The following STK32B variants were observed in gnomAD, a reference collection of about 807,000 sequenced individuals.
The protein encoded by STK32B is serine/threonine-protein kinase 32B.
STK32B carries 43 observed loss-of-function variants against 52.6 expected under a neutral mutation model. The ratio of observed to expected loss-of-function variants is 0.82; its 90% CI spans 0.64 to 1.05. The LOEUF is 1.05. Among genes scored for constraint, STK32B ranks in the 50% least tolerant of loss-of-function variants. STK32B has a pLI of 0.00. For missense variants in STK32B, 621 were observed against 534.6 expected (o/e 1.16, Z -1.59); for synonymous variants, 238 against 204.3 (o/e 1.17, Z -1.41).
chr4:5,445,911 C>G (rs749237345), intron 6 of STK32B, among the ~76,000 whole-genome samples: 3 of 149,234 alleles, frequency 2.0e-5, no homozygotes, highest in Non-Finnish European at 4.4e-5. Flanking sequence ...TGTTAGATGT[C>G]ACCTATGCTA....
At chr4:5,490,680 C>A (rs546232627) in intron 11 of STK32B, among the ~76,000 whole-genome samples, 2 of 151,916 alleles carry the variant, frequency 1.3e-5, no homozygotes, top group Non-Finnish European at 2.9e-5. Flanking sequence ...CCCATTAACT[C>A]GTCATTTAGC....
At chr4:5,047,749 G>A (rs1560124467), upstream of STK32B, among the ~76,000 whole-genome samples, 2 of 152,200 alleles carry the variant, frequency 1.3e-5, no homozygotes, top group African/African-American at 2.4e-5. Context: ...CTGGAGACAG[G>A]AGCTTTGCCA....
chr4:5,149,618 C>T (rs1433004182), intron 2 of STK32B, among the ~76,000 whole-genome samples: 1 of 151,798 alleles, frequency 6.6e-6, no homozygotes, highest in Admixed American at 6.6e-5. Context: ...ACTGTAGAGG[C>T]CCATCTACCA....
At chr4:5,101,920 T>C (rs897604911) in intron 1 of STK32B, among the ~76,000 whole-genome samples, 1 of 152,198 alleles carries the variant, frequency 6.6e-6, no homozygotes, top group Non-Finnish European at 1.5e-5. Flanking sequence ...TTTCCACAGA[T>C]ATTTATTTAT....
Position 5,416,936 on chromosome 4 carries a change from T to C in STK32B, c.562+2T>C. 1 of 1,611,056 alleles carries C rather than the reference T, an allele frequency of 6.2e-7. No individual in the cohort carries two copies. Among genetic ancestry groups the C allele is most frequent in the Non-Finnish European group, 8.5e-7 (1 of 1,178,608 alleles). ...TGGCTGGCACCAAGCCCTACATGGGTGAGTGTTCCAGGCCCCTTCTTTTCA... is the reference window on the plus strand; with the variant it reads ...TGGCTGGCACCAAGCCCTACATGGGCGAGTGTTCCAGGCCCCTTCTTTTCA... On this transcript the variant is annotated splice_donor_variant, in intron 6 of 11. Transcript: ENST00000282908. LOFTEE classifies it high-confidence loss of function.
chr4:5,431,760 A>C (rs2109092385), intron 6 of STK32B, among the ~76,000 whole-genome samples: 1 of 152,328 alleles, frequency 6.6e-6, no homozygotes, highest in South Asian at 2.1e-4. Flanking sequence ...TCTCCCCAAA[A>C]AGAGAAATTA....
Position 5,340,410 on chromosome 4 carries a change from GA to G in STK32B, c.434+9019del, listed in dbSNP as rs546007750. Among the ~76,000 whole-genome samples the G allele has an allele frequency of 7.2e-5, 11 of 152,370 alleles. No individual in the cohort carries two copies. The South Asian group carries it at 2.3e-3, about 32-fold the overall frequency. ...AATTAGAACTAGGAAAAGGAATGCA[GA>G]AGGCACTGGGCAGAAGGGCCCAAAC... On this transcript the variant is annotated intron_variant, in intron 4 of 11. Coordinates refer to ENST00000282908, the MANE Select transcript of STK32B (RefSeq NM_018401.3).
chr4:5,268,420 A>G (rs1393427187), intron 3 of STK32B, among the ~76,000 whole-genome samples: 1 of 152,014 alleles, frequency 6.6e-6, no homozygotes, highest in African/African-American at 2.4e-5. Flanking sequence ...CATTCAGCTC[A>G]AATCCTTATT....
intron 1 of STK32B, among the ~76,000 whole-genome samples, chr4:5,052,236 T>G (rs1360956371): frequency 6.6e-6 from 1 of 151,956 alleles, no homozygotes; most frequent in Admixed American, 6.5e-5. Flanking sequence ...GTCGGGATGG[T>G]TCTAGGCTCG....
intron 6 of STK32B, among the ~76,000 whole-genome samples, chr4:5,438,450 AAC>A (rs1379227838): frequency 6.6e-6 from 1 of 152,316 alleles, no homozygotes; most frequent in East Asian, 1.9e-4. Flanking sequence ...GAAAATACAA[AAC>A]ACACAGAATT....
chr4:5,353,479 A>G (rs1733971013), intron 4 of STK32B, among the ~76,000 whole-genome samples: 1 of 152,026 alleles, frequency 6.6e-6, no homozygotes, highest in African/African-American at 2.4e-5. Flanking sequence ...TGAATGGGAG[A>G]AAATATTTGT....
intron 3 of STK32B, among the ~76,000 whole-genome samples, chr4:5,319,587 C>G (rs1205587003): frequency 1.3e-5 from 2 of 152,162 alleles, no homozygotes; most frequent in East Asian, 3.9e-4. Context: ...GCATACAGAG[C>G]TGGAATCCAT....
rs144588330 is a variant in STK32B, at chr4:5,499,450, C to T, written c.*367C>T. On this transcript the variant is annotated 3_prime_UTR_variant, in exon 12 of 12. Transcript: ENST00000282908. ...AATATAACCTTAATATTTGAAGTGA[C>T]CCCCATTCCCCAAAGCAATCAAACC... 6.4e-5 allele frequency: 12 copies of T among 188,272 alleles called. No homozygotes were observed. In the East Asian group the frequency reaches 1.6e-3, roughly 25 times the overall value. 11.7% of individuals were successfully genotyped at this position (188,272 alleles called of 1,614,324 possible). A position where few individuals can be genotyped will look rare whatever the true frequency, so the allele number is the denominator to read the frequency against.
intron 6 of STK32B, chr4:5,436,526 C>A: frequency 1.1e-6 from 1 of 910,884 alleles, no homozygotes; most frequent in Non-Finnish European, 1.3e-6. Context: ...CTCTGGTCAG[C>A]AGTGAGAAGG....
chr4:5,064,845 T>A (rs1056641552), intron 1 of STK32B, among the ~76,000 whole-genome samples: 2 of 142,842 alleles, frequency 1.4e-5, no homozygotes, highest in African/African-American at 5.1e-5. Flanking sequence ...TATATAAATA[T>A]GCATATATAA....
rs566625340 is a variant in STK32B, at chr4:5,062,108, G to A, written c.52+10193G>A. 2.6e-5 allele frequency among the ~76,000 whole-genome samples: 4 copies of A among 152,230 alleles called. No individual in the cohort carries two copies. In the East Asian group the frequency reaches 5.8e-4, roughly 22 times the overall value. On this transcript the variant is annotated intron_variant, in intron 1 of 11. Transcript: ENST00000282908. ...CCTCAGTATTTATCTGTACACGAGC[G>A]CCTTCTGTTTCAAAGGTAAGCTCTC...
chr4:5,142,523 A>G (rs142200770), intron 2 of STK32B, among the ~76,000 whole-genome samples: 1 of 152,328 alleles, frequency 6.6e-6, no homozygotes, highest in African/African-American at 2.4e-5. Flanking sequence ...GTTTTGCTAT[A>G]TGCACATTTA....
intron 11 of STK32B, among the ~76,000 whole-genome samples, chr4:5,485,132 G>A (rs1216382767): frequency 2.6e-5 from 4 of 151,850 alleles, no homozygotes; most frequent in African/African-American, 9.7e-5. Context: ...CTGAATGTTG[G>A]CCTGTCTTGC....
intron 4 of STK32B, among the ~76,000 whole-genome samples, chr4:5,392,324 G>C (rs1736639972): frequency 6.6e-6 from 1 of 152,158 alleles, no homozygotes; most frequent in African/African-American, 2.4e-5. Flanking sequence ...TACTTGGGAA[G>C]CTGAGGCATG....
Sources: gnomAD v4.1 joint callset for allele counts (sites outside exome capture counted in the v4.1 genomes callset) on GRCh38, gnomAD v4.1.1 for gene constraint, MANE v1.5 for transcripts, NCBI Gene and HGNC (gene_info 2026-07-23, HGNC 2026-07-21) for gene names.